Variants in CHST9 observed in about 807,000 individuals in gnomAD.
CHST9 encodes carbohydrate sulfotransferase 9, also known as GalNAc-4-sulfotransferase 2.
A neutral mutation model predicts 44.4 loss-of-function variants in CHST9; 41 were observed. That is an observed-to-expected ratio of 0.92 (90% CI 0.72 to 1.20). The LOEUF (loss-of-function observed/expected upper bound fraction) is 1.20. Among genes scored for constraint, CHST9 ranks in the 50% most tolerant of loss-of-function variants. The pLI is 0.00. For missense variants in CHST9, 504 were observed against 516.5 expected, an observed-to-expected ratio of 0.98 and a Z score of 0.23; for synonymous variants, 171 against 178.4, an observed-to-expected ratio of 0.96 and a Z score of 0.33.
intron 2 of CHST9, among the ~76,000 whole-genome samples, chr18:27,133,085 C>G (rs1041851810): frequency 6.6e-6 from 1 of 152,208 alleles, no homozygotes; most frequent in Non-Finnish European, 1.5e-5. Context: ...GATAAATTTA[C>G]TGTGCTCATC....
At chr18:26,968,942 TC>T (rs1185417988) in intron 4 of CHST9, among the ~76,000 whole-genome samples, 1 of 151,790 alleles carries the variant, frequency 6.6e-6, no homozygotes, top group Non-Finnish European at 1.5e-5. Context: ...TCACATGGGT[TC>T]AAGTCTATCT....
chr18:27,174,462 T>C (rs2058853555), intron 1 of CHST9, among the ~76,000 whole-genome samples: 1 of 151,976 alleles, frequency 6.6e-6, no homozygotes, highest in Non-Finnish European at 1.5e-5. Flanking sequence ...TTGTACTACT[T>C]CTAGTGATGT....
At chr18:27,171,412 G>C (rs937671218) in intron 1 of CHST9, among the ~76,000 whole-genome samples, 3 of 152,164 alleles carry the variant, frequency 2.0e-5, no homozygotes, top group Non-Finnish European at 4.4e-5. Context: ...AATAAAGAGA[G>C]AGGAGTGAAA....
intron 5 of CHST9, chr18:26,928,295 G>C (rs1190859759): frequency 6.6e-6 from 1 of 152,582 alleles, no homozygotes; most frequent in Non-Finnish European, 1.5e-5. Flanking sequence ...ATTGGCTTGA[G>C]TGCACCAGGG....
chr18:27,123,032 A>G (rs572582002), intron 2 of CHST9, among the ~76,000 whole-genome samples: 3 of 152,194 alleles, frequency 2.0e-5, no homozygotes, highest in African/African-American at 4.8e-5. Context: ...TGTGGTGCCA[A>G]TTAATGACTT....
At chr18:27,008,259 G>A (rs1374563465) in intron 4 of CHST9, among the ~76,000 whole-genome samples, 1 of 152,216 alleles carries the variant, frequency 6.6e-6, no homozygotes, top group African/African-American at 2.4e-5. Flanking sequence ...GTCATCCACT[G>A]AAGAGGAGAA....
chr18:27,172,684 G>A (rs981567699), intron 1 of CHST9, among the ~76,000 whole-genome samples: 1 of 152,020 alleles, frequency 6.6e-6, no homozygotes, highest in East Asian at 1.9e-4. Context: ...GATAGTGTAG[G>A]CTGGCAGTAT....
intron 1 of CHST9, among the ~76,000 whole-genome samples, chr18:27,149,881 T>C (rs748683336): frequency 6.6e-6 from 1 of 152,084 alleles, no homozygotes; most frequent in Non-Finnish European, 1.5e-5. Context: ...TATTCACTTG[T>C]TCAAGTTTCA....
intron 1 of CHST9, among the ~76,000 whole-genome samples, chr18:27,156,480 C>T (rs529450024): frequency 7.2e-5 from 11 of 152,076 alleles, no homozygotes; most frequent in African/African-American, 1.9e-4. Context: ...GCCTTTCAGG[C>T]GGATGTAGTA....
chr18:26,958,202 C>A (rs909309526), intron 4 of CHST9, among the ~76,000 whole-genome samples: 1 of 151,912 alleles, frequency 6.6e-6, no homozygotes, highest in African/African-American at 2.4e-5. Flanking sequence ...CATTTCTAGT[C>A]TTGACTTTGC....
At chr18:27,011,973 C>A (rs2057090421) in intron 4 of CHST9, among the ~76,000 whole-genome samples, 1 of 152,222 alleles carries the variant, frequency 6.6e-6, no homozygotes, top group Non-Finnish European at 1.5e-5. Context: ...TGGAAGCAAG[C>A]TCCTCCTCTT....
intron 2 of CHST9, among the ~76,000 whole-genome samples, chr18:27,130,088 G>C (rs2058458731): frequency 6.6e-6 from 1 of 152,122 alleles, no homozygotes. Flanking sequence ...TTACCTACTG[G>C]CTATGCAAAT....
chr18:27,129,066 A>C (rs1334131576), intron 2 of CHST9, among the ~76,000 whole-genome samples: 6 of 152,194 alleles, frequency 3.9e-5, no homozygotes, highest in African/African-American at 1.4e-4. Flanking sequence ...GTAAGAAATG[A>C]AGCTAAAAGG....
At chr18:26,927,892 G>T (rs1223924288) in intron 5 of CHST9, among the ~76,000 whole-genome samples, 2 of 152,292 alleles carry the variant, frequency 1.3e-5, no homozygotes, top group South Asian at 4.2e-4. Context: ...ATCACATGGG[G>T]AGAAACCTCG....
chr18:27,003,601 T>C (rs1180033384), intron 4 of CHST9, among the ~76,000 whole-genome samples: 2 of 152,160 alleles, frequency 1.3e-5, no homozygotes, highest in Non-Finnish European at 2.9e-5. Flanking sequence ...ATTTCTCCTA[T>C]AAGGTGTTGC....
At chr18:27,157,169 A>C (rs757128214) in intron 1 of CHST9, among the ~76,000 whole-genome samples, 2 of 152,130 alleles carry the variant, frequency 1.3e-5, no homozygotes, top group Non-Finnish European at 2.9e-5. Context: ...GTTAATGATT[A>C]GCAGTCAATA....
At chr18:27,044,891 TAA>T (rs1884141020) in intron 3 of CHST9, among the ~76,000 whole-genome samples, 1 of 151,998 alleles carries the variant, frequency 6.6e-6, no homozygotes, top group African/African-American at 2.4e-5. Flanking sequence ...CAACGTGTGT[TAA>T]AAAGTTTTAA....
chr18:27,130,925 A>T (rs2058465976), intron 2 of CHST9, among the ~76,000 whole-genome samples: 1 of 152,224 alleles, frequency 6.6e-6, no homozygotes, highest in African/African-American at 2.4e-5. Context: ...TAAAAATTAT[A>T]GAGACATACA....
intron 3 of CHST9, among the ~76,000 whole-genome samples, chr18:27,032,918 T>C (rs1307033009): frequency 6.6e-6 from 1 of 152,218 alleles, no homozygotes; most frequent in Non-Finnish European, 1.5e-5. Flanking sequence ...CCGCCAGAAG[T>C]AGATACAGCT....
Sources: allele counts gnomAD v4.1 joint callset (sites outside exome capture counted in the v4.1 genomes callset), GRCh38; gene constraint gnomAD v4.1.1; transcripts MANE v1.5; gene names NCBI Gene and HGNC (gene_info 2026-07-23, HGNC 2026-07-21).